Variants in LEPROT observed in about 807,000 individuals in gnomAD.
The protein encoded by LEPROT is leptin receptor overlapping transcript.
LEPROT carries 3 observed loss-of-function variants against 15.4 expected under a neutral mutation model. The observed-to-expected ratio is 0.19, with a 90% confidence interval of 0.09 to 0.50. The LOEUF (loss-of-function observed/expected upper bound fraction) is 0.50. Ranked by LOEUF, LEPROT falls within the 20% of genes least tolerant of loss-of-function variation. The probability of loss-of-function intolerance (pLI) is 0.97; values close to 1 mark genes in which losing one functional copy is unlikely to be tolerated. For synonymous variants in LEPROT, 59 were observed against 57.5 expected (o/e 1.03, Z -0.12); for missense variants, 137 against 162.2 (o/e 0.84, Z 0.84).
At position 65,430,067 on chromosome 1, in the gene LEPROT, T is replaced by C. The variant is rs375811753; in HGVS notation, c.279+19T>C. The C allele has an allele frequency of 3.2e-6, 5 of 1,543,506 alleles. No homozygotes were observed. Among genetic ancestry groups the C allele is most frequent in the African/African-American group, 1.4e-5 (1 of 73,636 alleles). On this transcript the variant is annotated intron_variant, in intron 3 of 3. Coordinates refer to ENST00000371065, the MANE Select transcript of LEPROT (RefSeq NM_017526.5). ...GGCTGTGGTAAGTTTTATTTTCTAT[T>C]GTTTTGCCCAACCGTTGCTGAGTTT...
In LEPROT at chr1:65,434,373, A is replaced by G. The variant is rs1646529549; in HGVS notation, c.*2454A>G. On this transcript the variant is annotated 3_prime_UTR_variant, in exon 4 of 4. Coordinates refer to ENST00000371065, the MANE Select transcript of LEPROT (RefSeq NM_017526.5). ...TGGAGATTCAGAGCATAGTGACTAT[A>G]GTCGAAAACTGAGATTGCACTTCCA... 1.0e-6 allele frequency: 1 copy of G among 985,308 alleles called. No individual in the cohort carries two copies. Among genetic ancestry groups the G allele is most frequent in the Non-Finnish European group, 1.2e-6 (1 of 829,922 alleles). 61.0% of individuals were successfully genotyped at this position (985,308 alleles called of 1,614,324 possible). A position where few individuals can be genotyped will look rare whatever the true frequency, so the allele number is the denominator to read the frequency against.
Position 65,434,933 on chromosome 1 carries a change from A to G in LEPROT, c.*3014A>G. On this transcript the variant is annotated 3_prime_UTR_variant, in exon 4 of 4. Transcript: ENST00000371065. ...ATCACAGAAAGAATGCCTTGTGATT[A>G]TCTTCTCCACATCTGAAATTCCTTT... 1 of 985,526 alleles carries G rather than the reference A, an allele frequency of 1.0e-6. No homozygotes were observed. The highest frequency in any genetic ancestry group is 1.2e-6 in the Non-Finnish European group (1 of 829,994). 61.0% of individuals were successfully genotyped at this position (985,526 alleles called of 1,614,324 possible).
At chr1:65,425,184 T>G (rs2101679993) in intron 1 of LEPROT, 119 bp from the exon 2 acceptor site, 1 of 762,816 alleles carries the variant, frequency 1.3e-6, no homozygotes, top group Admixed American at 2.8e-5. Flanking sequence ...TCCAGAAAAT[T>G]TACTCATCCG....
intron 1 of LEPROT, chr1:65,421,358 T>G (rs1474721691): frequency 6.5e-6 from 10 of 1,535,852 alleles, no homozygotes; most frequent in African/African-American, 1.4e-5. Context: ...TAGTATGTGT[T>G]TTTTGCATGG....
rs201944208 is a variant in LEPROT, at chr1:65,435,370, T to TCTTTTC, written c.*3451_*3452insCTTTTC. The TCTTTTC allele has an allele frequency of 8.3e-6, 7 of 841,652 alleles. No homozygotes were observed. The highest frequency in any genetic ancestry group is 9.8e-6 in the Non-Finnish European group (7 of 711,014). 52.1% of individuals were successfully genotyped at this position (841,652 alleles called of 1,614,324 possible). On this transcript the variant is annotated 3_prime_UTR_variant, in exon 4 of 4. Coordinates refer to ENST00000371065, the MANE Select transcript of LEPROT (RefSeq NM_017526.5). Reference sequence around the variant, plus strand: ...ACAAAATGTGCCTTTTCTTTTCTTTTTTTTTTTTTTTTTTTGAGGCAGAGT... The same window carrying TCTTTTC: ...ACAAAATGTGCCTTTTCTTTTCTTTTCTTTTCTTTTTTTTTTTTTTTGAGGCAGAGT...
rs1019116871 is a variant in LEPROT at position 65,432,880 on chromosome 1, C to A, written c.*961C>A. ...TAGTGTAATCATTCCACCTTATATT[C>A]AAAAATCATAAAACCGTATTGTACC... On this transcript the variant is annotated 3_prime_UTR_variant, in exon 4 of 4. Coordinates refer to ENST00000371065, the MANE Select transcript of LEPROT (RefSeq NM_017526.5). The A allele has an allele frequency of 1.3e-5, 11 of 847,792 alleles. No individual in the cohort carries two copies. The highest frequency in any genetic ancestry group is 5.5e-5 in the African/African-American group (3 of 54,358). 52.5% of individuals were successfully genotyped at this position (847,792 alleles called of 1,614,324 possible). A position where few individuals can be genotyped will look rare whatever the true frequency, so the allele number is the denominator to read the frequency against.
chr1:65,434,115 A>T lies in LEPROT; in HGVS notation c.*2196A>T. On this transcript the variant is annotated 3_prime_UTR_variant, in exon 4 of 4. Coordinates refer to ENST00000371065, the MANE Select transcript of LEPROT (RefSeq NM_017526.5). ...CATTACCTCTTGATTGTATCTTTAG[A>T]TTGATATAAAGTACTTGCATATAGA... 1.0e-6 allele frequency: 1 copy of T among 984,472 alleles called. No homozygotes were observed. The highest frequency in any genetic ancestry group is 1.2e-6 in the Non-Finnish European group (1 of 829,058). 61.0% of individuals were successfully genotyped at this position (984,472 alleles called of 1,614,324 possible). A position where few individuals can be genotyped will look rare whatever the true frequency, so the allele number is the denominator to read the frequency against.
chr1:65,423,850 A>G (rs1297594202), intron 1 of LEPROT, among the ~76,000 whole-genome samples: 1 of 152,220 alleles, frequency 6.6e-6, no homozygotes, highest in Admixed American at 6.5e-5. Context: ...ATAGTCTCCT[A>G]TGCTTTTGAT....
intron 2 of LEPROT, among the ~76,000 whole-genome samples, chr1:65,426,249 A>G (rs576350960): frequency 1.3e-5 from 2 of 152,274 alleles, no homozygotes; most frequent in African/African-American, 2.4e-5. Flanking sequence ...GAAAGTGTAT[A>G]TAGCCTTTTC....
Position 65,433,820 on chromosome 1 carries a change from AT to A in LEPROT, c.*1908del. 1.0e-6 allele frequency: 1 copy of A among 982,412 alleles called. No homozygotes were observed. The highest frequency in any genetic ancestry group is 1.2e-6 in the Non-Finnish European group (1 of 827,234). The allele number at this position is 982,412 out of a possible 1,614,324, so 60.9% of individuals were successfully genotyped here. On this transcript the variant is annotated 3_prime_UTR_variant, in exon 4 of 4. Coordinates refer to ENST00000371065, the MANE Select transcript of LEPROT (RefSeq NM_017526.5). ...TTAACTTTAAAAGTTTAACTTTAAAATTTTTTTGTGATGTTGCCTTGCCTGA... is the reference window on the plus strand; with the variant it reads ...TTAACTTTAAAAGTTTAACTTTAAAATTTTTTGTGATGTTGCCTTGCCTGA...
In LEPROT at chr1:65,431,953, TA is replaced by T; in HGVS notation, c.*35del. The T allele has an allele frequency of 6.9e-6, 11 of 1,604,426 alleles. No homozygotes were observed. Among genetic ancestry groups the T allele is most frequent in the Non-Finnish European group, 9.3e-6 (11 of 1,177,160 alleles). ...TCTGATTACAGTGCATTGAATTTCT[TA>T]GAACTCATACTATCTGTATACATGT... On this transcript the variant is annotated 3_prime_UTR_variant, in exon 4 of 4. Coordinates refer to ENST00000371065, the MANE Select transcript of LEPROT (RefSeq NM_017526.5).
chr1:65,426,475 C>A lies in LEPROT; in HGVS notation c.92+1097C>A, dbSNP rs114261656. On this transcript the variant is annotated intron_variant, in intron 2 of 3. Coordinates refer to ENST00000371065, the MANE Select transcript of LEPROT (RefSeq NM_017526.5). Reference sequence around the variant, plus strand: ...TGTTAAAATGTCATTCTTGCCATAACGTGAGACTAGATAGGAAAGAGCTGA... The same window carrying A: ...TGTTAAAATGTCATTCTTGCCATAAAGTGAGACTAGATAGGAAAGAGCTGA... Among the ~76,000 whole-genome samples, 82 of 151,952 alleles carry A rather than the reference C, an allele frequency of 5.4e-4. 3 individuals are homozygous for A. The South Asian group carries it at 9.3e-3, about 17-fold the overall frequency.
In LEPROT at chr1:65,420,769, G is replaced by T. The variant is rs113211950; in HGVS notation, c.16+29G>T. ...CATCGCGGTCCCCGGCTCGCTTGTC[G>T]TGTGGTGGGGTTGCCACCTCCGTTC... On this transcript the variant is annotated intron_variant, in intron 1 of 3. Coordinates refer to ENST00000371065, the MANE Select transcript of LEPROT (RefSeq NM_017526.5). 1.8e-5 allele frequency: 29 copies of T among 1,571,004 alleles called. No homozygotes were observed. In the African/African-American group the frequency reaches 2.7e-4, roughly 15 times the overall value.
chr1:65,433,881 TTA>T lies in LEPROT; in HGVS notation c.*1963_*1964del, dbSNP rs1416141415. ...AAAAATGAGAGAATTTCTTGATGTT[TTA>T]AAATGGGCAGTTTTGAGCAATAATC... On this transcript the variant is annotated 3_prime_UTR_variant, in exon 4 of 4. Coordinates refer to ENST00000371065, the MANE Select transcript of LEPROT (RefSeq NM_017526.5). The T allele has an allele frequency of 4.1e-6, 4 of 985,286 alleles. No individual in the cohort carries two copies. Among genetic ancestry groups the T allele is most frequent in the Non-Finnish European group, 4.8e-6 (4 of 829,894 alleles). 61.0% of individuals were successfully genotyped at this position (985,286 alleles called of 1,614,324 possible).
intron 1 of LEPROT, among the ~76,000 whole-genome samples, chr1:65,424,782 A>AGT (rs1646325381): frequency 6.6e-6 from 1 of 152,122 alleles, no homozygotes; most frequent in Middle Eastern, 3.2e-3. Context: ...ACACAGAGAG[A>AGT]GTGTGTGCTC....
chr1:65,432,752 A>G lies in LEPROT; in HGVS notation c.*833A>G. The G allele has an allele frequency of 1.8e-6, 1 of 542,958 alleles. No individual in the cohort carries two copies. Among genetic ancestry groups the G allele is most frequent in the African/African-American group, 2.1e-5 (1 of 48,560 alleles). 33.6% of individuals were successfully genotyped at this position (542,958 alleles called of 1,614,324 possible). ...TTTTTTTAAAGATCACTTGCACAGC[A>G]TGCTAAATATAGGAATAATTGAATG... On this transcript the variant is annotated 3_prime_UTR_variant, in exon 4 of 4. Coordinates refer to ENST00000371065, the MANE Select transcript of LEPROT (RefSeq NM_017526.5).
Position 65,434,278 on chromosome 1 carries a change from A to C in LEPROT, c.*2359A>C, listed in dbSNP as rs1241062890. 2.0e-6 allele frequency: 2 copies of C among 983,376 alleles called. No individual in the cohort carries two copies. Among genetic ancestry groups the C allele is most frequent in the Admixed American group, 1.2e-4 (2 of 16,264 alleles). The allele number at this position is 983,376 out of a possible 1,614,324, so 60.9% of individuals were successfully genotyped here. ...GAATATATAATACAAAAGTTTGATC[A>C]TGGTGACACAAATGTTGGACATTTT... On this transcript the variant is annotated 3_prime_UTR_variant, in exon 4 of 4. Transcript: ENST00000371065.
rs1646500442 is a variant in LEPROT at position 65,432,537 on chromosome 1, CCT to C, written c.*623_*624del. The C allele has an allele frequency of 1.2e-6, 1 of 820,390 alleles. No individual in the cohort carries two copies. Among genetic ancestry groups the C allele is most frequent in the Non-Finnish European group, 1.5e-6 (1 of 680,360 alleles). The allele number at this position is 820,390 out of a possible 1,614,324, so 50.8% of individuals were successfully genotyped here. On this transcript the variant is annotated 3_prime_UTR_variant, in exon 4 of 4. Transcript: ENST00000371065. ...TCTTTCCAGTGGCTAAACCACTTAA[CCT>C]CTCTGGGTGTTACCTGCTCATTTGT...
intron 2 of LEPROT, chr1:65,427,861 G>C (rs968427994): frequency 3.5e-6 from 1 of 286,076 alleles, no homozygotes; most frequent in African/African-American, 2.2e-5. Flanking sequence ...GGCTGGTCTT[G>C]AACTCCTGGC....
Sources: gnomAD v4.1 joint callset for allele counts (sites outside exome capture counted in the v4.1 genomes callset) on GRCh38, gnomAD v4.1.1 for gene constraint, MANE v1.5 for transcripts, NCBI Gene and HGNC (gene_info 2026-07-23, HGNC 2026-07-21) for gene names.